Variants in ABR observed in about 807,000 individuals in gnomAD.
ABR encodes ABR activator of RhoGEF and GTPase.
A neutral mutation model predicts 107.2 loss-of-function variants in ABR; 35 were observed. The observed-to-expected ratio is 0.33, with a 90% confidence interval of 0.25 to 0.43. ABR has a LOEUF of 0.43. Among genes scored for constraint, ABR ranks in the 20% least tolerant of loss-of-function variants. The probability of loss-of-function intolerance (pLI) is 1.00; values close to 1 mark genes in which losing one functional copy is unlikely to be tolerated. For synonymous variants in ABR, 498 were observed against 462.0 expected, an observed-to-expected ratio of 1.08 and a Z score of -1.00; for missense variants, 815 against 1,115.2, an observed-to-expected ratio of 0.73 and a Z score of 3.83.
At chr17:1,012,947 G>C (rs184277768) in intron 17 of ABR, 150 bp from the exon 18 acceptor site, 8 of 1,060,152 alleles carry the variant, frequency 7.5e-6, no homozygotes, top group Non-Finnish European at 1.1e-5. Flanking sequence ...GGACAGCAGC[G>C]GGCAGGGTGT....
intron 1 of ABR, among the ~76,000 whole-genome samples, chr17:1,176,287 C>G (rs1344841478): frequency 2.6e-5 from 4 of 152,132 alleles, no homozygotes; most frequent in Non-Finnish European, 5.9e-5. Context: ...ATTTACCCTG[C>G]TGGACCGTTT....
intron 14 of ABR, among the ~76,000 whole-genome samples, chr17:1,052,085 C>A (rs1982274): frequency 0.66 from 98,433 of 149,666 alleles, 32,577 homozygotes; most frequent in East Asian, 0.84. Context: ...AAAAAAAAAA[C>A]CAAAAAAACC....
At chr17:1,018,271 T>C (rs905044139) in intron 16 of ABR, among the ~76,000 whole-genome samples, 4 of 150,768 alleles carry the variant, frequency 2.7e-5, no homozygotes, top group Admixed American at 6.6e-5. Flanking sequence ...CTTGATCTCC[T>C]GACCTCGTGA....
At chr17:1,186,311 A>G (rs2042295903) in intron 1 of ABR, among the ~76,000 whole-genome samples, 1 of 152,176 alleles carries the variant, frequency 6.6e-6, no homozygotes, top group Non-Finnish European at 1.5e-5. Context: ...AGCCAGTGAG[A>G]TCTACAGGCA....
At chr17:1,172,386 C>T (rs1489444857) in intron 1 of ABR, among the ~76,000 whole-genome samples, 1 of 152,214 alleles carries the variant, frequency 6.6e-6, no homozygotes, top group African/African-American at 2.4e-5. Context: ...GCTTCAGGGA[C>T]CAGTGGAACA....
chr17:1,064,084 G>C (rs1597628946), intron 10 of ABR, among the ~76,000 whole-genome samples: 2 of 137,272 alleles, frequency 1.5e-5, no homozygotes, highest in Non-Finnish European at 3.2e-5. Context: ...TACGTGAACT[G>C]AGGGCTATAC....
At position 1,011,587 on chromosome 17, in the gene ABR, T is replaced by C. The variant is rs1459704219; in HGVS notation, c.2101+259A>G. 2 of 343,556 alleles carry C rather than the reference T, an allele frequency of 5.8e-6. No individual in the cohort carries two copies. Among genetic ancestry groups the C allele is most frequent in the Non-Finnish European group, 1.0e-5 (2 of 190,614 alleles). 21.3% of individuals were successfully genotyped at this position (343,556 alleles called of 1,614,324 possible). On this transcript the variant is annotated intron_variant, in intron 19 of 22. Transcript: ENST00000302538. The surrounding 1 kb of genome is among the most constrained non-coding windows in gnomAD (Gnocchi z 4.8). ...ACTGGAGTCAGATCTGAGTTTTAAG[T>C]CCAGAACCAAAACCTACAAGTTGGG...
At chr17:1,189,785 T>C (rs945409310), upstream of ABR, among the ~76,000 whole-genome samples, 10 of 152,318 alleles carry the variant, frequency 6.6e-5, no homozygotes, top group Admixed American at 1.3e-4. Flanking sequence ...AGGACTCTTG[T>C]AAACGTTCAA....
chr17:1,094,798 T>C (rs555464548), intron 3 of ABR, among the ~76,000 whole-genome samples: 3 of 152,222 alleles, frequency 2.0e-5, no homozygotes, highest in Admixed American at 6.5e-5. Flanking sequence ...GAGGGCTGCA[T>C]GGAGGAGGCA....
intron 1 of ABR, among the ~76,000 whole-genome samples, chr17:1,152,636 C>T (rs1409171529): frequency 6.6e-6 from 1 of 151,866 alleles, no homozygotes; most frequent in African/African-American, 2.4e-5. Context: ...ACTCCCGGCA[C>T]ACAACAAGTG....
chr17:1,180,030 CTTTGGTGCGGGGGCGGGGCTTTGGTGCG>C (rs2042074530), upstream of ABR, among the ~76,000 whole-genome samples: 1 of 53,984 alleles, frequency 1.9e-5, no homozygotes, highest in African/African-American at 8.5e-5. Context: ...TGGGGCGGGG[CTTTGGTGCGGGGGCGGGGCTTTGGTGCG>C]GGGGCGGGGC....
Position 1,072,633 on chromosome 17 carries a change from A to C in ABR, c.875T>G (p.Val292Gly), listed in dbSNP as rs2035334986. The C allele has an allele frequency of 6.2e-7, 1 of 1,609,276 alleles. No homozygotes were observed. Among genetic ancestry groups the C allele is most frequent in the African/African-American group, 1.3e-5 (1 of 74,672 alleles). ...GCTCACCTCCCCCTTGGGCGTTGTCACTGCAGTCCGGCGGGGGTCGATGTC... is the reference window on the plus strand; with the variant it reads ...GCTCACCTCCCCCTTGGGCGTTGTCCCTGCAGTCCGGCGGGGGTCGATGTC... ...NEDIDPRRTA[V>G]TTPKGETRQL... The change falls in exon 8 of 23, where the codon GTG becomes GGG. Residue 292 changes from valine (V) to glycine (G), a missense_variant. By Grantham distance (109) the Val-to-Gly change is moderately radical. Transcript: ENST00000302538.
chr17:1,094,020 T>G (rs2260879), intron 3 of ABR, among the ~76,000 whole-genome samples: 1 of 151,420 alleles, frequency 6.6e-6, no homozygotes, highest in Non-Finnish European at 1.5e-5. Context: ...TGACCCTCGC[T>G]GTGCTAGAAT....
chr17:1,117,827 C>G lies in ABR; in HGVS notation c.246+7356G>C, dbSNP rs1189957395. Among the ~76,000 whole-genome samples the G allele has an allele frequency of 2.7e-4, 22 of 80,252 alleles. 1 individual carries two copies. Among genetic ancestry groups the G allele is most frequent in the East Asian group, 3.1e-4 (1 of 3,262 alleles). The allele number at this position is 80,252 out of a possible 152,430, so 52.6% of individuals were successfully genotyped here. The stretch of plus-strand genomic sequence containing the variant: ...TGAGCCTGAGTCCTCCCAGCGTTAT[C>G]CCTGAGCCTGAGTCCCTCCCAGCGT... On this transcript the variant is annotated intron_variant, in intron 2 of 22. Coordinates refer to ENST00000302538, the MANE Select transcript of ABR (RefSeq NM_021962.5).
upstream of ABR, among the ~76,000 whole-genome samples, chr17:1,183,662 C>G (rs1265081533): frequency 6.6e-6 from 1 of 152,162 alleles, no homozygotes; most frequent in Non-Finnish European, 1.5e-5. Context: ...ATGTTAGCAG[C>G]TCAGCTCCAC....
intron 1 of ABR, among the ~76,000 whole-genome samples, chr17:1,211,361 A>G (rs1053389739): frequency 2.6e-4 from 40 of 152,322 alleles, no homozygotes; most frequent in African/African-American, 7.5e-4. Flanking sequence ...GCTCTGACCC[A>G]GTGGGATTCC....
chr17:1,029,747 C>T (rs937613394), intron 16 of ABR, among the ~76,000 whole-genome samples: 3 of 152,188 alleles, frequency 2.0e-5, no homozygotes, highest in Non-Finnish European at 2.9e-5. Flanking sequence ...GCTGCTCACC[C>T]GCTGGCCTGC....
intron 1 of ABR, among the ~76,000 whole-genome samples, chr17:1,196,849 C>T (rs187330050): frequency 3.9e-5 from 6 of 152,124 alleles, no homozygotes; most frequent in Non-Finnish European, 5.9e-5. Context: ...CGCCCACCAC[C>T]GTGCCCGGCT....
chr17:1,198,760 C>A (rs994074716), intron 1 of ABR, among the ~76,000 whole-genome samples: 16 of 150,240 alleles, frequency 1.1e-4, no homozygotes, highest in Non-Finnish European at 2.4e-4. Context: ...CTCAGCCTCT[C>A]CAGTACCTGG....
Sources: gnomAD v4.1 joint callset for allele counts (sites outside exome capture counted in the v4.1 genomes callset) on GRCh38, gnomAD v4.1.1 for gene constraint, Gnocchi (gnomAD v3.1) non-coding constraint, MANE v1.5 for transcripts, NCBI Gene and HGNC (gene_info 2026-07-23, HGNC 2026-07-21) for gene names.